The following SLC23A2 variants were observed in gnomAD, a reference collection of about 807,000 sequenced individuals.
SLC23A2 encodes Na(+)/L-ascorbic acid transporter 2.
In SLC23A2, 36 loss-of-function variants were observed where a neutral mutation model predicts 73.3. The ratio of observed to expected loss-of-function variants is 0.49; its 90% CI spans 0.38 to 0.65. SLC23A2 has a LOEUF of 0.65. SLC23A2 is among the 30% of genes least tolerant of loss of function. The pLI, the probability that SLC23A2 is intolerant of heterozygous loss-of-function variation, is 0.00. For synonymous variants in SLC23A2, 343 were observed against 327.3 expected (o/e 1.05, Z -0.52); for missense variants, 507 against 841.6 (o/e 0.60, Z 4.92).
chr20:4,853,298 G>A lies in SLC23A2; in HGVS notation c.*3674C>T, dbSNP rs1929593267. ...TCCCCCAGGATGCTGCTGCTTCTCT[G>A]GCCAGATGGGTTCTGGAATGAGGCT... On this transcript the variant is annotated 3_prime_UTR_variant, in exon 17 of 17. Coordinates refer to ENST00000338244, the MANE Select transcript of SLC23A2 (RefSeq NM_005116.6). 6.6e-6 allele frequency: 1 copy of A among 152,626 alleles called. No individual in the cohort carries two copies. The highest frequency in any genetic ancestry group is 2.1e-4 in the South Asian group (1 of 4,832). 9.5% of individuals were successfully genotyped at this position (152,626 alleles called of 1,614,324 possible).
intron 2 of SLC23A2, among the ~76,000 whole-genome samples, chr20:4,946,437 T>C (rs2087119859): frequency 6.6e-6 from 1 of 152,168 alleles, no homozygotes; most frequent in South Asian, 2.1e-4. Flanking sequence ...TGGATAAACG[T>C]GGGAAATTTT....
At chr20:4,975,492 T>A (rs970776031) in intron 1 of SLC23A2, among the ~76,000 whole-genome samples, 1 of 152,016 alleles carries the variant, frequency 6.6e-6, no homozygotes, top group Non-Finnish European at 1.5e-5. Flanking sequence ...GCCATTCTCC[T>A]GCCTCAGCCT....
chr20:4,951,800 C>T (rs1252593685), intron 2 of SLC23A2, among the ~76,000 whole-genome samples: 1 of 152,116 alleles, frequency 6.6e-6, no homozygotes, highest in South Asian at 2.1e-4. Context: ...CTCAATAAAA[C>T]TTTTTCAAAA....
At position 4,920,851 on chromosome 20, in the gene SLC23A2, T is replaced by A. The variant is rs1932480303; in HGVS notation, c.109-7873A>T. The stretch of plus-strand genomic sequence containing the variant: ...GGCTGGTGGTGCGGCTGGTTCTCCC[T>A]CTATTCCCTCAAAGTGCTATCAGAT... On this transcript the variant is annotated intron_variant, in intron 3 of 16. Coordinates refer to ENST00000338244, the MANE Select transcript of SLC23A2 (RefSeq NM_005116.6). Among the ~76,000 whole-genome samples the A allele has an allele frequency of 1.3e-5, 2 of 152,188 alleles. 1 individual carries two copies. Among genetic ancestry groups the A allele is most frequent in the South Asian group, 4.1e-4 (2 of 4,832 alleles).
upstream of SLC23A2, among the ~76,000 whole-genome samples, chr20:5,002,855 G>A (rs546961186): frequency 4.6e-5 from 7 of 152,282 alleles, no homozygotes; most frequent in African/African-American, 1.7e-4. Context: ...GGCCTCCTAA[G>A]TAGCTGGGAT....
chr20:4,920,082 G>A (rs185748820), intron 3 of SLC23A2, among the ~76,000 whole-genome samples: 68 of 152,290 alleles, frequency 4.5e-4, no homozygotes, highest in Middle Eastern at 6.8e-3. Flanking sequence ...CCAACATGGT[G>A]AAACCCCATC....
chr20:4,989,594 T>C (rs979777285), intron 1 of SLC23A2, among the ~76,000 whole-genome samples: 1 of 149,836 alleles, frequency 6.7e-6, no homozygotes, highest in African/African-American at 2.4e-5. Flanking sequence ...GAAGATCGCT[T>C]GAGCCTAGGA....
At chr20:4,874,122 G>A in intron 10 of SLC23A2, 30 bp from the exon 11 acceptor site, 1 of 1,602,358 alleles carries the variant, frequency 6.2e-7, no homozygotes, top group Non-Finnish European at 8.5e-7. Flanking sequence ...GCTCTGTCAG[G>A]CCAGCAGGGC....
At chr20:4,963,823 G>C (rs1600179555) in intron 2 of SLC23A2, among the ~76,000 whole-genome samples, 2 of 152,176 alleles carry the variant, frequency 1.3e-5, no homozygotes, top group African/African-American at 4.8e-5. Flanking sequence ...ACTCCAGCCT[G>C]GGTGACATAG....
chr20:4,980,369 C>T (rs555293166), intron 1 of SLC23A2, among the ~76,000 whole-genome samples: 3 of 152,016 alleles, frequency 2.0e-5, no homozygotes, highest in Non-Finnish European at 4.4e-5. Context: ...TCAAATAAAA[C>T]ATGATGTATT....
intron 1 of SLC23A2, among the ~76,000 whole-genome samples, chr20:4,979,056 A>G (rs1362150005): frequency 2.0e-5 from 3 of 152,152 alleles, no homozygotes; most frequent in Non-Finnish European, 4.4e-5. Flanking sequence ...GTACTTTGGG[A>G]GGCTGAGGCG....
chr20:4,953,362 A>G (rs1173765460), intron 2 of SLC23A2, among the ~76,000 whole-genome samples: 2 of 152,058 alleles, frequency 1.3e-5, no homozygotes, highest in African/African-American at 4.8e-5. Flanking sequence ...TAAATAAAGC[A>G]GACAGAAAAG....
intron 2 of SLC23A2, among the ~76,000 whole-genome samples, chr20:4,943,704 T>C (rs368866059): frequency 4.6e-5 from 7 of 151,734 alleles, no homozygotes; most frequent in East Asian, 1.9e-4. Context: ...CAGATTTCTT[T>C]CACACAAATA....
At chr20:4,983,924 C>G (rs1299493469) in intron 1 of SLC23A2, among the ~76,000 whole-genome samples, 1 of 151,390 alleles carries the variant, frequency 6.6e-6, no homozygotes, top group African/African-American at 2.4e-5. Context: ...CCATTGCACT[C>G]CAGCCTGGGC....
At chr20:4,898,789 G>A (rs567506335) in intron 6 of SLC23A2, among the ~76,000 whole-genome samples, 20 of 152,296 alleles carry the variant, frequency 1.3e-4, no homozygotes, top group Admixed American at 5.2e-4. Flanking sequence ...AGGAAGCACC[G>A]TGGGAAAAAG....
chr20:4,922,027 T>C (rs1430472049), intron 3 of SLC23A2, among the ~76,000 whole-genome samples: 1 of 152,204 alleles, frequency 6.6e-6, no homozygotes, highest in Admixed American at 6.5e-5. Context: ...TCAAGTACTT[T>C]ATCAAATCCT....
At position 4,902,562 on chromosome 20, in the gene SLC23A2, C is replaced by G. The variant is rs73893859; in HGVS notation, c.208-4G>C. The stretch of plus-strand genomic sequence containing the variant: ...CCAGGGTCTCAGCGAGAGAGCTCTG[C>G]GAGCCAGAAGGAGAAAAGAAGGTGC... On this transcript the variant is annotated splice_region_variant and splice_polypyrimidine_tract_variant and intron_variant, in intron 4 of 16. Coordinates refer to ENST00000338244, the MANE Select transcript of SLC23A2 (RefSeq NM_005116.6). The surrounding 1 kb of genome is among the most constrained non-coding windows in gnomAD (Gnocchi z 4.0). 8 of 1,563,768 alleles carry G rather than the reference C, an allele frequency of 5.1e-6. No homozygotes were observed. The highest frequency in any genetic ancestry group is 1.7e-5 in the Admixed American group (1 of 57,488).
At position 4,869,728 on chromosome 20, in the gene SLC23A2, G is replaced by A. The variant is rs930571761; in HGVS notation, c.1250+178C>T. 8 of 527,194 alleles carry A rather than the reference G, an allele frequency of 1.5e-5. 1 individual carries two copies. Among genetic ancestry groups the A allele is most frequent in the South Asian group, 6.4e-5 (2 of 31,184 alleles). 32.7% of individuals were successfully genotyped at this position (527,194 alleles called of 1,614,324 possible). A position where few individuals can be genotyped will look rare whatever the true frequency, so the allele number is the denominator to read the frequency against. On this transcript the variant is annotated intron_variant, in intron 12 of 16. Transcript: ENST00000338244. ...AAAATGAAAGTAAACAAAGGCAGTG[G>A]TGTATCAGACAGTCGAAAGTAAACA...
intron 2 of SLC23A2, among the ~76,000 whole-genome samples, chr20:4,946,685 G>T (rs1158850085): frequency 1.3e-5 from 2 of 152,154 alleles, no homozygotes; most frequent in African/African-American, 4.8e-5. Context: ...CCTGAGTCCA[G>T]CCTGAGACAC....
Sources: gnomAD v4.1 joint callset for allele counts (sites outside exome capture counted in the v4.1 genomes callset) on GRCh38, gnomAD v4.1.1 for gene constraint, Gnocchi (gnomAD v3.1) non-coding constraint, MANE v1.5 for transcripts, NCBI Gene and HGNC (gene_info 2026-07-23, HGNC 2026-07-21) for gene names.